Variants in GRM7 observed in about 807,000 individuals in gnomAD.
GRM7 encodes glutamate metabotropic receptor 7.
Under a neutral mutation model 84.5 loss-of-function variants are expected in GRM7, and 35 were observed. The observed-to-expected ratio is 0.41, with a 90% CI of 0.32 to 0.55. The LOEUF (loss-of-function observed/expected upper bound fraction) is 0.55. Among genes scored for constraint, GRM7 ranks in the 20% least tolerant of loss-of-function variants. The pLI is 0.19. For missense variants in GRM7, 1,003 were observed against 1,194.6 expected (o/e 0.84, Z 2.36); for synonymous variants, 487 against 455.1 (o/e 1.07, Z -0.89).
At chr3:6,891,823 A>C (rs1695962641) in intron 1 of GRM7, among the ~76,000 whole-genome samples, 1 of 152,040 alleles carries the variant, frequency 6.6e-6, no homozygotes, top group Admixed American at 6.5e-5. Flanking sequence ...TATCCTGCAG[A>C]GTGTTTTCCA....
chr3:6,960,963 C>T (rs1002320528), intron 1 of GRM7, among the ~76,000 whole-genome samples: 1 of 152,142 alleles, frequency 6.6e-6, no homozygotes, highest in South Asian at 2.1e-4. Flanking sequence ...ACTCATTTCT[C>T]CTTATTTTCT....
intron 1 of GRM7, among the ~76,000 whole-genome samples, chr3:6,882,359 G>A (rs1231237855): frequency 6.6e-6 from 1 of 152,024 alleles, no homozygotes; most frequent in Non-Finnish European, 1.5e-5. Context: ...AACTCATTGT[G>A]GAAACTACAA....
intron 1 of GRM7, among the ~76,000 whole-genome samples, chr3:7,116,833 G>A (rs1401740602): frequency 6.6e-6 from 1 of 152,064 alleles, no homozygotes; most frequent in Non-Finnish European, 1.5e-5. Flanking sequence ...TTTTGAGAAA[G>A]GGATCAGGCA....
chr3:7,040,256 C>T (rs1226570773), intron 1 of GRM7, among the ~76,000 whole-genome samples: 2 of 152,150 alleles, frequency 1.3e-5, no homozygotes, highest in African/African-American at 2.4e-5. Flanking sequence ...AACCTCACTG[C>T]TACACAGTGG....
chr3:6,873,685 T>C, intron 1 of GRM7, among the ~76,000 whole-genome samples: 1 of 152,222 alleles, frequency 6.6e-6, no homozygotes, highest in Non-Finnish European at 1.5e-5. Context: ...GTACTGTCTT[T>C]CCTAGCCTTA....
At chr3:6,981,518 C>T (rs1694198801) in intron 1 of GRM7, among the ~76,000 whole-genome samples, 1 of 152,214 alleles carries the variant, frequency 6.6e-6, no homozygotes, top group South Asian at 2.1e-4. Context: ...ACCTTGAGCA[C>T]AAGACTTGTA....
At chr3:7,273,571 C>A (rs1348269562) in intron 2 of GRM7, among the ~76,000 whole-genome samples, 2 of 152,010 alleles carry the variant, frequency 1.3e-5, no homozygotes, top group Non-Finnish European at 2.9e-5. Flanking sequence ...ATTGTTATGT[C>A]TTTATGGAGA....
intron 1 of GRM7, among the ~76,000 whole-genome samples, chr3:6,981,510 C>T (rs966230871): frequency 2.0e-5 from 3 of 152,106 alleles, no homozygotes; most frequent in Non-Finnish European, 4.4e-5. Context: ...GGTTGTCTAC[C>T]TTGAGCACAA....
At chr3:7,458,092 T>C (rs1364658884) in intron 6 of GRM7, among the ~76,000 whole-genome samples, 1 of 152,148 alleles carries the variant, frequency 6.6e-6, no homozygotes, top group Admixed American at 6.6e-5. Context: ...GTCTAGTAAA[T>C]ACGTTGATGC....
At chr3:6,951,261 C>T (rs889428991) in intron 1 of GRM7, among the ~76,000 whole-genome samples, 13 of 152,078 alleles carry the variant, frequency 8.5e-5, no homozygotes, top group Admixed American at 5.2e-4. Context: ...TTATTTTCCT[C>T]CTTTTTAAAA....
At chr3:7,051,582 C>A (rs758701432) in intron 1 of GRM7, among the ~76,000 whole-genome samples, 3 of 151,704 alleles carry the variant, frequency 2.0e-5, no homozygotes, top group Admixed American at 6.6e-5. Flanking sequence ...ATGAAGGAAT[C>A]CTTAGGAAAA....
intron 1 of GRM7, among the ~76,000 whole-genome samples, chr3:7,102,043 TATA>T (rs1312835954): frequency 4.0e-5 from 6 of 151,594 alleles, no homozygotes; most frequent in African/African-American, 1.5e-4. Context: ...CATCCCATAA[TATA>T]ATGTAAAATT....
intron 7 of GRM7, among the ~76,000 whole-genome samples, chr3:7,566,960 C>T (rs969426128): frequency 6.6e-6 from 1 of 152,152 alleles, no homozygotes; most frequent in African/African-American, 2.4e-5. Context: ...GAACCTCCCT[C>T]ATAATTTTTT....
In GRM7 at chr3:7,152,699, C is replaced by A. The variant is rs75050304; in HGVS notation, c.736+6031C>A. ...TACTCAGTCTTCCTCTTTTGGAATTCATGGTCCTCTTTTGGATTGTGATGT... is the reference window on the plus strand; with the variant it reads ...TACTCAGTCTTCCTCTTTTGGAATTAATGGTCCTCTTTTGGATTGTGATGT... On this transcript the variant is annotated intron_variant, in intron 2 of 9. Transcript: ENST00000357716. Among the ~76,000 whole-genome samples, 68 of 152,334 alleles carry A rather than the reference C, an allele frequency of 4.5e-4. 1 individual carries two copies. The East Asian group carries it at 0.012, about 26-fold the overall frequency.
intron 4 of GRM7, among the ~76,000 whole-genome samples, chr3:7,316,798 G>A (rs1700598882): frequency 6.6e-6 from 1 of 152,122 alleles, no homozygotes; most frequent in Admixed American, 6.6e-5. Flanking sequence ...GGATACATAA[G>A]CCTGGAGTTT....
intron 4 of GRM7, among the ~76,000 whole-genome samples, chr3:7,339,267 C>CA (rs960867903): frequency 9.9e-5 from 15 of 151,894 alleles, no homozygotes; most frequent in Admixed American, 5.3e-4. Flanking sequence ...GGAAAGCAAT[C>CA]AAAAAAACAA....
chr3:6,964,750 T>C (rs1415067802), intron 1 of GRM7, among the ~76,000 whole-genome samples: 1 of 152,210 alleles, frequency 6.6e-6, no homozygotes, highest in African/African-American at 2.4e-5. Context: ...AATTTTTTAT[T>C]TCTGCTGTCA....
At chr3:7,403,566 G>T (rs533358806) in intron 4 of GRM7, among the ~76,000 whole-genome samples, 1 of 146,678 alleles carries the variant, frequency 6.8e-6, no homozygotes, top group Non-Finnish European at 1.5e-5. Context: ...GCAAATGTAC[G>T]TCCGTTATTT....
At chr3:7,200,964 A>ATTTTTTTTTTTTTTTTTTTTTTTTTT (rs71625339) in intron 2 of GRM7, among the ~76,000 whole-genome samples, 1 of 98,162 alleles carries the variant, frequency 1.0e-5, no homozygotes, top group Non-Finnish European at 1.9e-5. Flanking sequence ...ACATTTCAGA[A>ATTTTTTTTTTTTTTTTTTTTTTTTTT]TTTTTTTTTT....
Sources: allele counts gnomAD v4.1 joint callset (sites outside exome capture counted in the v4.1 genomes callset), GRCh38; gene constraint gnomAD v4.1.1; transcripts MANE v1.5; gene names NCBI Gene and HGNC (gene_info 2026-07-23, HGNC 2026-07-21).